Variants in NTM observed in about 807,000 individuals in gnomAD.
The protein encoded by NTM is neurotrimin, also known as IgLON family member 2.
NTM carries 13 observed loss-of-function variants against 42.1 expected under a neutral mutation model. The observed-to-expected ratio is 0.31, with a 90% CI of 0.20 to 0.49. NTM has a LOEUF of 0.49. Among genes scored for constraint, NTM ranks in the 20% least tolerant of loss-of-function variants. The probability of loss-of-function intolerance (pLI) is 0.99; values close to 1 mark genes in which losing one functional copy is unlikely to be tolerated. For synonymous variants in NTM, 187 were observed against 179.2 expected, an observed-to-expected ratio of 1.04 and a Z score of -0.35; for missense variants, 373 against 452.8, an observed-to-expected ratio of 0.82 and a Z score of 1.60.
chr11:131,835,570 T>TA (rs1277558535), intron 1 of NTM, among the ~76,000 whole-genome samples: 5 of 151,998 alleles, frequency 3.3e-5, no homozygotes, highest in Admixed American at 6.5e-5. Flanking sequence ...TGGGTAACAT[T>TA]AAAAAAAACT....
chr11:131,500,555 ATATATATATATATATATATATATTTTTT>A (rs2046623092), intron 1 of NTM, among the ~76,000 whole-genome samples: 1 of 22,750 alleles, frequency 4.4e-5, no homozygotes, highest in Non-Finnish European at 7.3e-5. Flanking sequence ...ATATATATAT[ATATATATATATATATATATATATTTTTT>A]TTTTTTTTTT....
chr11:131,976,235 C>A (rs747209095), intron 2 of NTM, among the ~76,000 whole-genome samples: 2 of 151,472 alleles, frequency 1.3e-5, no homozygotes, highest in East Asian at 3.9e-4. Context: ...GAAGTCCAAG[C>A]GATGAAAAGA....
chr11:131,622,293 T>C (rs922007853), intron 1 of NTM, among the ~76,000 whole-genome samples: 1 of 152,118 alleles, frequency 6.6e-6, no homozygotes, highest in Non-Finnish European at 1.5e-5. Context: ...AAAAATAAAA[T>C]AGGTGAATAT....
At chr11:131,637,595 G>C (rs2064566204) in intron 1 of NTM, among the ~76,000 whole-genome samples, 2 of 151,440 alleles carry the variant, frequency 1.3e-5, no homozygotes, top group South Asian at 4.2e-4. Flanking sequence ...AGGCTGATAA[G>C]TGGCAACTAT....
chr11:132,268,047 T>C (rs1162472624), intron 4 of NTM, among the ~76,000 whole-genome samples: 1 of 152,144 alleles, frequency 6.6e-6, no homozygotes, highest in African/African-American at 2.4e-5. Context: ...AGAACTAGAT[T>C]GTAGAATCCA....
chr11:131,735,716 A>C (rs982489347), intron 1 of NTM, among the ~76,000 whole-genome samples: 3 of 152,146 alleles, frequency 2.0e-5, no homozygotes, highest in Non-Finnish European at 4.4e-5. Flanking sequence ...CCCTTAGCTC[A>C]GTCGCTCTTT....
At chr11:131,620,629 G>C (rs898757446) in intron 1 of NTM, among the ~76,000 whole-genome samples, 1 of 152,142 alleles carries the variant, frequency 6.6e-6, no homozygotes, top group Non-Finnish European at 1.5e-5. Flanking sequence ...TGTTCCCTCT[G>C]CCTGAAATGC....
chr11:132,290,472 C>T (rs1370398925), intron 4 of NTM, among the ~76,000 whole-genome samples: 2 of 152,022 alleles, frequency 1.3e-5, no homozygotes, highest in South Asian at 4.2e-4. Context: ...TCTAAATATG[C>T]ATTGGATACT....
intron 2 of NTM, among the ~76,000 whole-genome samples, chr11:132,065,102 ACT>A (rs1341735432): frequency 1.3e-5 from 2 of 152,032 alleles, no homozygotes; most frequent in Non-Finnish European, 2.9e-5. Flanking sequence ...TCTTGGGGAA[ACT>A]CCTACAGCTG....
chr11:131,959,791 C>G (rs2061944920), intron 2 of NTM, among the ~76,000 whole-genome samples: 1 of 152,216 alleles, frequency 6.6e-6, no homozygotes, highest in Non-Finnish European at 1.5e-5. Flanking sequence ...CAGGATGAAG[C>G]TGTTCTACAG....
chr11:131,708,061 T>A (rs972016468), intron 1 of NTM, among the ~76,000 whole-genome samples: 9 of 152,136 alleles, frequency 5.9e-5, no homozygotes, highest in African/African-American at 1.9e-4. Flanking sequence ...AATATTTGAA[T>A]TCACTGAAGT....
At chr11:131,770,404 A>G (rs1447685756) in intron 1 of NTM, among the ~76,000 whole-genome samples, 1 of 152,200 alleles carries the variant, frequency 6.6e-6, no homozygotes, top group East Asian at 1.9e-4. Flanking sequence ...TCCTTCTATC[A>G]GCCACAAAAG....
chr11:131,814,864 C>T (rs1392382244), intron 1 of NTM, among the ~76,000 whole-genome samples: 1 of 152,168 alleles, frequency 6.6e-6, no homozygotes, highest in Non-Finnish European at 1.5e-5. Flanking sequence ...CCTCAGCCAT[C>T]GCATGCAAGC....
intron 1 of NTM, among the ~76,000 whole-genome samples, chr11:131,754,233 GTAAC>G (rs1341721286): frequency 6.6e-6 from 1 of 151,852 alleles, no homozygotes; most frequent in Non-Finnish European, 1.5e-5. Context: ...GTATACATAT[GTAAC>G]TAACCTGCAC....
chr11:131,911,463 G>A, intron 1 of NTM, 101 bp from the exon 2 acceptor site: 1 of 1,614,064 alleles, frequency 6.2e-7, no homozygotes, highest in Non-Finnish European at 8.5e-7. Context: ...GGAGTTCGGG[G>A]AAGTTGTGGC....
intron 1 of NTM, among the ~76,000 whole-genome samples, chr11:131,610,512 C>T (rs189173538): frequency 6.6e-6 from 1 of 152,292 alleles, no homozygotes; most frequent in African/African-American, 2.4e-5. Flanking sequence ...TAGAAGAAGA[C>T]TGTTGTTCAG....
chr11:131,524,717 G>A (rs2050217570), intron 1 of NTM, among the ~76,000 whole-genome samples: 1 of 152,196 alleles, frequency 6.6e-6, no homozygotes, highest in South Asian at 2.1e-4. Flanking sequence ...TGCTGATTGG[G>A]GAGTGCCCTT....
chr11:132,215,194 A>G (rs1169823041), intron 4 of NTM, among the ~76,000 whole-genome samples: 2 of 152,106 alleles, frequency 1.3e-5, no homozygotes, highest in Non-Finnish European at 2.9e-5. Flanking sequence ...CTTTTGTGTC[A>G]TTCTTCGAGG....
intron 1 of NTM, among the ~76,000 whole-genome samples, chr11:131,694,942 G>A (rs564554554): frequency 3.9e-4 from 60 of 152,320 alleles, no homozygotes; most frequent in African/African-American, 1.4e-3. Flanking sequence ...TGGGGCCTGG[G>A]AAGGGAGGAG....
Sources: allele counts gnomAD v4.1 joint callset (sites outside exome capture counted in the v4.1 genomes callset), GRCh38; gene constraint gnomAD v4.1.1; transcripts MANE v1.5; gene names NCBI Gene and HGNC (gene_info 2026-07-23, HGNC 2026-07-21).